SEC24D: variants seen among roughly 807,000 people sequenced by gnomAD.
SEC24D encodes SEC24 homolog D, COPII component.
Under a neutral mutation model 116.9 loss-of-function variants are expected in SEC24D, and 69 were observed. That is an observed-to-expected ratio of 0.59 (90% CI 0.49 to 0.72). SEC24D has a LOEUF of 0.72. Ranked by LOEUF, SEC24D falls within the 30% of genes least tolerant of loss-of-function variation. The pLI is 0.00. For missense variants in SEC24D, 1,131 were observed against 1,264.1 expected (o/e 0.89, Z 1.60); for synonymous variants, 405 against 442.8 (o/e 0.91, Z 1.07).
intron 8 of SEC24D, among the ~76,000 whole-genome samples, chr4:118,781,710 C>CATTTTCAGGT (rs1214953222): frequency 6.6e-6 from 1 of 152,202 alleles, no homozygotes; most frequent in African/African-American, 2.4e-5. Flanking sequence ...TTCTCCATGT[C>CATTTTCAGGT]ATTTTCAGGT....
At chr4:118,818,323 C>T (rs1391070567) in intron 3 of SEC24D, among the ~76,000 whole-genome samples, 1 of 152,192 alleles carries the variant, frequency 6.6e-6, no homozygotes, top group Non-Finnish European at 1.5e-5. Flanking sequence ...CATGTCTTGC[C>T]TTCTGCCCCC....
At chr4:118,780,435 T>C (rs1728346970) in intron 8 of SEC24D, among the ~76,000 whole-genome samples, 1 of 152,196 alleles carries the variant, frequency 6.6e-6, no homozygotes, top group Non-Finnish European at 1.5e-5. Context: ...TAATCCTGAG[T>C]TCTAATTTGA....
chr4:118,814,796 G>GA lies in SEC24D; in HGVS notation c.801+231dup, dbSNP rs892083650. Among the ~76,000 whole-genome samples the GA allele has an allele frequency of 2.0e-4, 30 of 148,130 alleles. 1 individual carries two copies. In the South Asian group the frequency reaches 2.4e-3, roughly 12 times the overall value. On this transcript the variant is annotated intron_variant, in intron 6 of 22. Coordinates refer to ENST00000280551, the MANE Select transcript of SEC24D (RefSeq NM_014822.4). ...AAGTTTATATGACACCAAAAAAAAAGAAAAAAAAAATCAGCACAGGCTGCT... is the reference window on the plus strand; with the variant it reads ...AAGTTTATATGACACCAAAAAAAAAGAAAAAAAAAAATCAGCACAGGCTGCT...
In SEC24D at chr4:118,732,741, G is replaced by A. The variant is rs1488524040; in HGVS notation, c.2668C>T (p.Leu890=). 1 of 1,613,882 alleles carries A rather than the reference G, an allele frequency of 6.2e-7. No individual in the cohort carries two copies. Among genetic ancestry groups the A allele is most frequent in the South Asian group, 1.1e-5 (1 of 91,008 alleles). ...DSQLFFYPQL[L]PIHTLDVKST... ...CACCCCAGCATGCTTACTATGGGCA[G>A]AAGTTGTGGGTAGAAGAAAAGCTGA... is the stretch of plus-strand genomic sequence containing the variant. Residue 890 remains leucine, a synonymous_variant, in exon 20 of 23, where the codon CTG becomes TTG. Transcript: ENST00000280551.
chr4:118,803,395 C>T (rs1297016280), intron 7 of SEC24D, among the ~76,000 whole-genome samples: 2 of 152,172 alleles, frequency 1.3e-5, no homozygotes, highest in African/African-American at 4.8e-5. Context: ...TTCACCTCCT[C>T]TGCCTGGCAA....
Position 118,740,038 on chromosome 4 carries a change from G to A in SEC24D, c.2238+625C>T, listed in dbSNP as rs527770015. ...AGTATTTGGAGATGAGGTATTTAAA[G>A]AGGTAAATTAATTAAAATGAGTTCA... On this transcript the variant is annotated intron_variant, in intron 17 of 22. Coordinates refer to ENST00000280551, the MANE Select transcript of SEC24D (RefSeq NM_014822.4). Among the ~76,000 whole-genome samples the A allele has an allele frequency of 3.9e-5, 6 of 152,248 alleles. No individual in the cohort carries two copies. The South Asian group carries it at 1.2e-3, about 32-fold the overall frequency.
At chr4:118,833,328 TCA>T (rs1336495165) in intron 2 of SEC24D, 5 of 336,998 alleles carry the variant, frequency 1.5e-5, no homozygotes, top group Non-Finnish European at 2.7e-5. Context: ...AGAACAAGAC[TCA>T]CAGTAAAAAT....
At chr4:118,780,050 C>A (rs1383489194) in intron 8 of SEC24D, among the ~76,000 whole-genome samples, 2 of 152,136 alleles carry the variant, frequency 1.3e-5, no homozygotes, top group African/African-American at 4.8e-5. Context: ...TTTCAAAAAA[C>A]CAGCTCCTGG....
At chr4:118,779,314 G>C (rs571898331) in intron 8 of SEC24D, among the ~76,000 whole-genome samples, 19 of 152,218 alleles carry the variant, frequency 1.2e-4, no homozygotes, top group East Asian at 3.9e-4. Context: ...TAGCATGAAG[G>C]GTTGTTGAAT....
At chr4:118,774,674 C>T (rs951683890) in intron 8 of SEC24D, among the ~76,000 whole-genome samples, 1 of 152,156 alleles carries the variant, frequency 6.6e-6, no homozygotes, top group Non-Finnish European at 1.5e-5. Flanking sequence ...TCTCGCTGGT[C>T]TGTGACTTGA....
chr4:118,792,247 C>G (rs1560706795), intron 8 of SEC24D, among the ~76,000 whole-genome samples: 3 of 151,214 alleles, frequency 2.0e-5, no homozygotes. Context: ...ACCCTCCGCC[C>G]GGCAGCCGCC....
rs56961502 is a variant in SEC24D at position 118,810,137 on chromosome 4, T to TGTGTGTGTGTGTGTGTGTGTGG, written c.802-4184_802-4183insCCACACACACACACACACACAC. On this transcript the variant is annotated intron_variant, in intron 6 of 22. Coordinates refer to ENST00000280551, the MANE Select transcript of SEC24D (RefSeq NM_014822.4). Reference sequence around the variant, plus strand: ...GTGTGTGTGTGTGTGTGTGTGTGTGTCAGAGGGTATAGGGGAGCCAGGGGT... The same window carrying TGTGTGTGTGTGTGTGTGTGTGG: ...GTGTGTGTGTGTGTGTGTGTGTGTGTGTGTGTGTGTGTGTGTGTGTGGCAGAGGGTATAGGGGAGCCAGGGGT... Among the ~76,000 whole-genome samples the TGTGTGTGTGTGTGTGTGTGTGG allele has an allele frequency of 6.2e-4, 65 of 104,394 alleles. 5 individuals are homozygous for TGTGTGTGTGTGTGTGTGTGTGG. Among genetic ancestry groups the TGTGTGTGTGTGTGTGTGTGTGG allele is most frequent in the Non-Finnish European group, 9.5e-4 (45 of 47,390 alleles). The allele number at this position is 104,394 out of a possible 152,430, so 68.5% of individuals were successfully genotyped here. A position where few individuals can be genotyped will look rare whatever the true frequency, so the allele number is the denominator to read the frequency against.
At chr4:118,827,093 A>T (rs2110538530) in intron 2 of SEC24D, among the ~76,000 whole-genome samples, 1 of 152,320 alleles carries the variant, frequency 6.6e-6, no homozygotes, top group African/African-American at 2.4e-5. Flanking sequence ...AAGGGATTCC[A>T]GTTAGAAAGC....
At chr4:118,732,420 G>A (rs533864090) in intron 20 of SEC24D, among the ~76,000 whole-genome samples, 5 of 152,242 alleles carry the variant, frequency 3.3e-5, no homozygotes, top group Admixed American at 2.6e-4. Flanking sequence ...GATTACAGAC[G>A]TGAGCCACGG....
chr4:118,826,632 T>G (rs1730602347), intron 2 of SEC24D, among the ~76,000 whole-genome samples: 1 of 152,102 alleles, frequency 6.6e-6, no homozygotes, highest in African/African-American at 2.4e-5. Flanking sequence ...TTTTTTTTCT[T>G]TTTTTAAATT....
chr4:118,739,394 A>C (rs1036145559), intron 17 of SEC24D, 107 bp from the exon 18 acceptor site: 5 of 973,988 alleles, frequency 5.1e-6, no homozygotes, highest in Non-Finnish European at 7.4e-6. Flanking sequence ...TAGATAAAAG[A>C]CCTCTAACTA....
intron 7 of SEC24D, among the ~76,000 whole-genome samples, chr4:118,800,452 C>T (rs1251970708): frequency 2.0e-5 from 3 of 152,104 alleles, no homozygotes; most frequent in Non-Finnish European, 4.4e-5. Context: ...TGCCAGATTT[C>T]ACAGTTTTTA....
At chr4:118,755,509 A>G (rs1727049603) in intron 11 of SEC24D, among the ~76,000 whole-genome samples, 1 of 151,942 alleles carries the variant, frequency 6.6e-6, no homozygotes, top group Non-Finnish European at 1.5e-5. Flanking sequence ...TGATCTGAAT[A>G]ACAGATGAAA....
intron 8 of SEC24D, among the ~76,000 whole-genome samples, chr4:118,775,345 C>CAA (rs55740002): frequency 0.043 from 4,857 of 114,126 alleles, 127 homozygotes; most frequent in Non-Finnish European, 0.06. Flanking sequence ...AGCAAAAGGT[C>CAA]AAAAAAAAAA....
Sources: allele counts gnomAD v4.1 joint callset (sites outside exome capture counted in the v4.1 genomes callset), GRCh38; gene constraint gnomAD v4.1.1; transcripts MANE v1.5; gene names NCBI Gene and HGNC (gene_info 2026-07-23, HGNC 2026-07-21).